The following ZBTB7C variants were observed in gnomAD, a reference collection of about 807,000 sequenced individuals.
ZBTB7C encodes the protein zinc finger and BTB domain-containing protein 7C.
In ZBTB7C, 8 loss-of-function variants were observed where a neutral mutation model predicts 25.7. The ratio of observed to expected loss-of-function variants is 0.31; its 90% CI spans 0.18 to 0.56. The LOEUF (loss-of-function observed/expected upper bound fraction) is 0.56. Among genes scored for constraint, ZBTB7C ranks in the 20% least tolerant of loss-of-function variants. The pLI is 0.91. For missense variants in ZBTB7C, 824 were observed against 855.2 expected (o/e 0.96, Z 0.46); for synonymous variants, 394 against 369.0 (o/e 1.07, Z -0.78).
At chr18:48,173,445 C>A (rs890237076) in intron 3 of ZBTB7C, among the ~76,000 whole-genome samples, 2 of 152,214 alleles carry the variant, frequency 1.3e-5, no homozygotes, top group African/African-American at 4.8e-5. Flanking sequence ...TCTAGCACCG[C>A]ACCACTCCTA....
At chr18:48,299,260 T>C (rs1432200081) in intron 2 of ZBTB7C, among the ~76,000 whole-genome samples, 1 of 152,064 alleles carries the variant, frequency 6.6e-6, no homozygotes, top group Non-Finnish European at 1.5e-5. Flanking sequence ...AAAAAACTTA[T>C]CCCCATAATT....
intron 3 of ZBTB7C, among the ~76,000 whole-genome samples, chr18:48,113,251 T>C (rs2039308969): frequency 6.6e-6 from 1 of 152,236 alleles, no homozygotes. Flanking sequence ...AAGCCTCAGT[T>C]ATCTCATCTG....
chr18:48,142,386 G>A (rs952720318), intron 3 of ZBTB7C, among the ~76,000 whole-genome samples: 7 of 152,206 alleles, frequency 4.6e-5, no homozygotes, highest in Admixed American at 1.3e-4. Flanking sequence ...AGGAACCTCC[G>A]AGGGGGAGGT....
chr18:48,329,126 C>T (rs2046289321), intron 2 of ZBTB7C, among the ~76,000 whole-genome samples: 1 of 152,296 alleles, frequency 6.6e-6, no homozygotes, highest in Non-Finnish European at 1.5e-5. Flanking sequence ...TAAGAAGTCT[C>T]TCTCTAATAT....
At chr18:48,174,035 T>C (rs549359890) in intron 3 of ZBTB7C, among the ~76,000 whole-genome samples, 22 of 152,390 alleles carry the variant, frequency 1.4e-4, no homozygotes, top group African/African-American at 5.3e-4. Flanking sequence ...GGTTTAGCAC[T>C]GTATAGCCAT....
chr18:48,118,001 CT>C (rs11358230), intron 3 of ZBTB7C, among the ~76,000 whole-genome samples: 8,984 of 128,456 alleles, frequency 0.07, 902 homozygotes, highest in African/African-American at 0.24. Context: ...TCTTCTTCTT[CT>C]TTTTTTTTTT....
intron 1 of ZBTB7C, among the ~76,000 whole-genome samples, chr18:48,358,678 A>C (rs72919579): frequency 0.11 from 16,974 of 152,220 alleles, 1,091 homozygotes; most frequent in Non-Finnish European, 0.14. Flanking sequence ...GTAACAACAA[A>C]CAACTCCCAA....
chr18:48,054,149 G>T (rs2036816997), intron 3 of ZBTB7C, among the ~76,000 whole-genome samples: 1 of 152,198 alleles, frequency 6.6e-6, no homozygotes, highest in Admixed American at 6.5e-5. Flanking sequence ...GGACGGTGAG[G>T]CAGGGGCCTC....
At chr18:48,128,670 T>C (rs2039886029) in intron 3 of ZBTB7C, among the ~76,000 whole-genome samples, 1 of 151,740 alleles carries the variant, frequency 6.6e-6, no homozygotes, top group Non-Finnish European at 1.5e-5. Flanking sequence ...CGCAAAGGCA[T>C]ACAGAGTGGT....
At chr18:48,251,498 A>G (rs77086915) in intron 2 of ZBTB7C, among the ~76,000 whole-genome samples, 18,597 of 152,176 alleles carry the variant, frequency 0.12, 1,789 homozygotes, top group African/African-American at 0.25. Flanking sequence ...AAAGCAGCCC[A>G]GAAAATCAAG....
At chr18:48,211,886 C>A (rs1334851077) in intron 2 of ZBTB7C, among the ~76,000 whole-genome samples, 1 of 152,176 alleles carries the variant, frequency 6.6e-6, no homozygotes, top group East Asian at 1.9e-4. Context: ...AAAACCTGTA[C>A]ATGAATGTTT....
At chr18:48,225,906 C>A (rs11875464) in intron 2 of ZBTB7C, among the ~76,000 whole-genome samples, 8,928 of 152,196 alleles carry the variant, frequency 0.059, 463 homozygotes, top group African/African-American at 0.14. Context: ...CCACGCCCAG[C>A]TAATTTTTGT....
At chr18:48,321,014 A>G (rs1042921992) in intron 2 of ZBTB7C, among the ~76,000 whole-genome samples, 6 of 152,236 alleles carry the variant, frequency 3.9e-5, no homozygotes, top group Non-Finnish European at 8.8e-5. Flanking sequence ...TTTAGGTTTT[A>G]TGTCAGTGGT....
chr18:48,209,706 G>A (rs1482173766), intron 2 of ZBTB7C, among the ~76,000 whole-genome samples: 2 of 151,690 alleles, frequency 1.3e-5, no homozygotes, highest in Admixed American at 1.3e-4. Flanking sequence ...AGTAAGTCAT[G>A]AATGTGCCAC....
intron 4 of ZBTB7C, among the ~76,000 whole-genome samples, chr18:48,035,264 G>A (rs2035923475): frequency 6.6e-6 from 1 of 152,242 alleles, no homozygotes; most frequent in Non-Finnish European, 1.5e-5. Context: ...CTGCGGTGCA[G>A]AGGTCGTCCA....
chr18:48,172,298 TAAATGTCATGATG>T (rs1436236553), intron 3 of ZBTB7C, among the ~76,000 whole-genome samples: 1 of 152,176 alleles, frequency 6.6e-6, no homozygotes, highest in African/African-American at 2.4e-5. Flanking sequence ...CCAGTGCCCT[TAAATGTCATGATG>T]GCCCGTCAGG....
chr18:48,029,362 C>A lies in ZBTB7C; in HGVS notation c.1758G>T (p.Arg586=). Residue 586 remains arginine, a synonymous_variant, in exon 5 of 5, where the codon CGG becomes CGT. Coordinates refer to ENST00000590800, the MANE Select transcript of ZBTB7C (RefSeq NM_001318841.2). ...FALAENVAAA[R]PYFPLPDPWA... ...AAGGGTCGGGCAGCGGGAAGTAGGG[C>A]CGCGCCGCCGCCACGTTCTCGGCCA... 1.3e-6 allele frequency: 2 copies of A among 1,545,750 alleles called. No homozygotes were observed. Among genetic ancestry groups the A allele is most frequent in the Non-Finnish European group, 1.7e-6 (2 of 1,150,070 alleles).
chr18:48,325,193 C>T (rs1009754678), intron 2 of ZBTB7C, among the ~76,000 whole-genome samples: 7 of 152,174 alleles, frequency 4.6e-5, no homozygotes, highest in African/African-American at 1.7e-4. Flanking sequence ...GACTCAGATA[C>T]ACCCTGGACA....
chr18:48,068,482 C>G (rs1231998001), intron 3 of ZBTB7C, among the ~76,000 whole-genome samples: 2 of 147,566 alleles, frequency 1.4e-5, no homozygotes, highest in Non-Finnish European at 3.0e-5. Flanking sequence ...TCAGACACCT[C>G]AGAAGCTGTT....
Sources: allele counts gnomAD v4.1 joint callset (sites outside exome capture counted in the v4.1 genomes callset), GRCh38; gene constraint gnomAD v4.1.1; transcripts MANE v1.5; gene names NCBI Gene and HGNC (gene_info 2026-07-23, HGNC 2026-07-21).